Variants in ATP2A1 observed in about 807,000 individuals in gnomAD.
ATP2A1 encodes the protein sarcoplasmic/endoplasmic reticulum calcium ATPase 1.
A neutral mutation model predicts 109.5 loss-of-function variants in ATP2A1; 83 were observed. That is an observed-to-expected ratio of 0.76 (90% CI 0.63 to 0.91). The LOEUF (loss-of-function observed/expected upper bound fraction) is 0.91, where lower values mean the gene tolerates loss of function less well. Ranked by LOEUF, ATP2A1 falls within the 40% of genes least tolerant of loss-of-function variation. ATP2A1 has a pLI of 0.00. For missense variants in ATP2A1, 1,101 were observed against 1,341.0 expected (o/e 0.82, Z 2.80); for synonymous variants, 505 against 537.6 (o/e 0.94, Z 0.84).
Position 28,903,725 on chromosome 16 carries a change from C to CTT in ATP2A1, c.*22_*23insTT, listed in dbSNP as rs536503732. The CTT allele has an allele frequency of 1.5e-3, 2,419 of 1,613,944 alleles. 26 individuals are homozygous for CTT. Among genetic ancestry groups the CTT allele is most frequent in the South Asian group, 0.013 (1,203 of 91,080 alleles). ...GATAACTGTTCCCCCTCCTCCATCT[C>CTT]TGAGCCCGTGTCACAGGTATCACCC... On this transcript the variant is annotated 3_prime_UTR_variant, in exon 22 of 23. Coordinates refer to ENST00000395503, the MANE Select transcript of ATP2A1 (RefSeq NM_004320.6). This position sits in a 1 kb window ranked among gnomAD's most constrained non-coding sequence, Gnocchi z 5.6.
chr16:28,889,189 A>G (rs922771382), intron 9 of ATP2A1, among the ~76,000 whole-genome samples: 4 of 152,010 alleles, frequency 2.6e-5, no homozygotes, highest in Non-Finnish European at 5.9e-5. Flanking sequence ...ACTGCCACAC[A>G]TCGTCTCTCA....
intron 9 of ATP2A1, chr16:28,892,315 G>A (rs140031682): frequency 4.3e-4 from 141 of 328,268 alleles, no homozygotes; most frequent in Admixed American, 3.4e-3. Flanking sequence ...CTCCTTGCAG[G>A]GTCTTCCACT....
At position 28,887,668 on chromosome 16, in the gene ATP2A1, G is replaced by A. The variant is rs937724681; in HGVS notation, c.874G>A (p.Ala292Thr). The change falls in exon 8 of 23, where the codon GCC becomes ACC. Residue 292 changes from alanine (A) to threonine (T), a missense_variant. Coordinates refer to ENST00000395503, the MANE Select transcript of ATP2A1 (RefSeq NM_004320.6). Reference sequence around the variant, plus strand: ...CCATGGGGGCTCCTGGTTCCGCGGGGCCATCTACTACTTTAAGATTGCCGT... The same window carrying A: ...CCATGGGGGCTCCTGGTTCCGCGGGACCATCTACTACTTTAAGATTGCCGT... ...PVHGGSWFRG[A>T]IYYFKIAVAL... is the part of the protein sequence containing the mutation. 3.1e-6 allele frequency: 5 copies of A among 1,614,136 alleles called. No individual in the cohort carries two copies. Among genetic ancestry groups the A allele is most frequent in the Non-Finnish European group, 4.2e-6 (5 of 1,180,038 alleles).
intron 4 of ATP2A1, among the ~76,000 whole-genome samples, chr16:28,882,120 TTTTTTTG>T: frequency 6.9e-6 from 1 of 144,312 alleles, no homozygotes; most frequent in Non-Finnish European, 1.5e-5. Context: ...TTTTTTTTTT[TTTTTTTG>T]TACTTTTCGT....
intron 4 of ATP2A1, 104 bp downstream of exon 4, chr16:28,881,123 C>T: frequency 2.6e-6 from 3 of 1,164,202 alleles, no homozygotes; most frequent in Non-Finnish European, 2.6e-6. Context: ...ATACTTGCCT[C>T]TTCCTCTGGT....
chr16:28,882,643 G>A lies in ATP2A1; in HGVS notation c.463+54G>A. The A allele has an allele frequency of 2.5e-6, 4 of 1,605,032 alleles. No individual in the cohort carries two copies. The South Asian group carries it at 3.3e-5, about 13-fold the overall frequency. On this transcript the variant is annotated intron_variant, in intron 5 of 22. Coordinates refer to ENST00000395503, the MANE Select transcript of ATP2A1 (RefSeq NM_004320.6). ...TGGGAGGCCTTGGGGCTGAGGCCTAGGAGATGCCGGGGGCTGGTCAGGCTC... is the reference window on the plus strand; with the variant it reads ...TGGGAGGCCTTGGGGCTGAGGCCTAAGAGATGCCGGGGGCTGGTCAGGCTC...
Position 28,904,228 on chromosome 16 carries a change from C to T in ATP2A1, c.*86C>T. 6.2e-7 allele frequency: 1 copy of T among 1,613,772 alleles called. No homozygotes were observed. Among genetic ancestry groups the T allele is most frequent in the Non-Finnish European group, 8.5e-7 (1 of 1,179,804 alleles). On this transcript the variant is annotated 3_prime_UTR_variant, in exon 23 of 23. Transcript: ENST00000395503. ...TGAGCATCCTTTTGCTCTGTCCTCC[C>T]CACCCCGATAGTGACACATCTTCAG...
At chr16:28,879,988 C>A (rs1963412416) in intron 3 of ATP2A1, 1 of 1,019,358 alleles carries the variant, frequency 9.8e-7, no homozygotes, top group Non-Finnish European at 1.2e-6. Context: ...GGCGCCCCTG[C>A]CCCGCCCTCC....
Position 28,894,627 on chromosome 16 carries a change from C to A in ATP2A1, c.1287+20C>A, listed in dbSNP as rs375498756. 1 of 1,613,124 alleles carries A rather than the reference C, an allele frequency of 6.2e-7. No individual in the cohort carries two copies. Among genetic ancestry groups the A allele is most frequent in the South Asian group, 1.1e-5 (1 of 91,042 alleles). On this transcript the variant is annotated intron_variant, in intron 11 of 22. Transcript: ENST00000395503. ...AACGAGGTAACCTCTCCTTCCCCTT[C>A]CAGTTGGCTCAGAGTCTGGGCCTCC...
chr16:28,879,407 C>A, intron 2 of ATP2A1, 94 bp from the exon 3 acceptor site: 1 of 1,193,202 alleles, frequency 8.4e-7, no homozygotes, highest in Non-Finnish European at 1.3e-6. Context: ...CACCCTAGAG[C>A]CTCCCCACTG....
rs1449029475 is a variant in ATP2A1 at position 28,898,324 on chromosome 16, T to C, written c.1637T>C (p.Met546Thr). 9.3e-6 allele frequency: 15 copies of C among 1,614,186 alleles called. No homozygotes were observed. Among genetic ancestry groups the C allele is most frequent in the Non-Finnish European group, 9.3e-6 (11 of 1,180,042 alleles). Residue 546 changes from methionine to threonine, a missense_variant, in exon 14 of 23, where the codon ATG (methionine) becomes ACG (threonine). Transcript: ENST00000395503. The surrounding 1 kb of genome is among the most constrained non-coding windows in gnomAD (Gnocchi z 4.0). ...PLTGPVKEKI[M>T]AVIKEWGTGR... Reference sequence around the variant, plus strand: ...ACGGGGCCGGTGAAGGAAAAGATCATGGCGGTGATCAAGGAGTGGGGCACT... The same window carrying C: ...ACGGGGCCGGTGAAGGAAAAGATCACGGCGGTGATCAAGGAGTGGGGCACT...
intron 8 of ATP2A1, among the ~76,000 whole-genome samples, chr16:28,888,274 C>A (rs1250235495): frequency 1.3e-5 from 2 of 152,106 alleles, no homozygotes; most frequent in Non-Finnish European, 2.9e-5. Flanking sequence ...CTCAAGCAAT[C>A]CACCCGCCTC....
intron 9 of ATP2A1, among the ~76,000 whole-genome samples, chr16:28,890,874 TG>T (rs1963751498): frequency 6.6e-6 from 1 of 151,784 alleles, no homozygotes; most frequent in African/African-American, 2.4e-5. Flanking sequence ...TTAGTACAGA[TG>T]GGGTTTCGCC....
At chr16:28,895,043 A>G in intron 12 of ATP2A1, 90 bp downstream of exon 12, 3 of 1,576,418 alleles carry the variant, frequency 1.9e-6, no homozygotes, top group Non-Finnish European at 2.6e-6. Context: ...GGCAGAGCCT[A>G]GTGCCTGTGC....
intron 8 of ATP2A1, 136 bp from the exon 9 acceptor site, chr16:28,888,651 C>T (rs915921195): frequency 1.3e-5 from 13 of 1,008,098 alleles, no homozygotes; most frequent in South Asian, 6.4e-5. Context: ...GTGATCCTCC[C>T]GCCTCAGCCT....
In ATP2A1 at chr16:28,902,452, C is replaced by A; in HGVS notation, c.2524+66C>A. ...ACTAACCCCCTCTCTGGGACACCAG[C>A]TCCCCCATGCAGGTGCTGAGAGGGT... On this transcript the variant is annotated intron_variant, in intron 17 of 22. Coordinates refer to ENST00000395503, the MANE Select transcript of ATP2A1 (RefSeq NM_004320.6). This position sits in a 1 kb window ranked among gnomAD's most constrained non-coding sequence, Gnocchi z 4.8. 1 of 1,586,744 alleles carries A rather than the reference C, an allele frequency of 6.3e-7. No individual in the cohort carries two copies. The highest frequency in any genetic ancestry group is 1.1e-5 in the South Asian group (1 of 89,150).
rs773544576 is a variant in ATP2A1, at chr16:28,902,120, G to A, written c.2321+37G>A. On this transcript the variant is annotated intron_variant, in intron 16 of 22. Transcript: ENST00000395503. This position sits in a 1 kb window ranked among gnomAD's most constrained non-coding sequence, Gnocchi z 4.8. ...GGTGGGCGTCCAGGAGGAAGCCGGG[G>A]TTAGGGTGGGGTGGCTGCAGGTCTG... 1.2e-6 allele frequency: 2 copies of A among 1,613,990 alleles called. No individual in the cohort carries two copies. Among genetic ancestry groups the A allele is most frequent in the South Asian group, 1.1e-5 (1 of 91,084 alleles).
Position 28,894,236 on chromosome 16 carries a change from G to C in ATP2A1, c.1177G>C (p.Gly393Arg). Residue 393 changes from glycine (G) to arginine (R), a missense_variant, in exon 10 of 23, where the codon GGA (glycine) becomes CGA (arginine). By Grantham distance (125) the Gly-to-Arg change is moderately radical (BLOSUM62 -2). Transcript: ENST00000395503. ...SITGSTYAPE[G>R]EVLKNDKPVR... ...CACCGGCTCCACTTACGCTCCAGAG[G>C]GAGAGGTGTAAGTCACCCAGGCATC... is the stretch of plus-strand genomic sequence containing the variant. 1 of 1,613,772 alleles carries C rather than the reference G, an allele frequency of 6.2e-7. No individual in the cohort carries two copies. The highest frequency in any genetic ancestry group is 8.5e-7 in the Non-Finnish European group (1 of 1,179,866).
Position 28,881,011 on chromosome 16 carries a change from GT to G in ATP2A1, c.319del (p.Trp107GlyfsTer13). 1 of 1,614,026 alleles carries G rather than the reference GT, an allele frequency of 6.2e-7. No homozygotes were observed. Among genetic ancestry groups the G allele is most frequent in the Non-Finnish European group, 8.5e-7 (1 of 1,179,896 alleles). ...CCTCATTGCCAATGCCATCGTGGGG[GT>G]TTGGCAGGTTAGCGTTGACCCTTCC... ...LILIANAIVG[V>X]WQERNAENAI... On this transcript the variant is annotated frameshift_variant, in exon 4 of 23. Coordinates refer to ENST00000395503, the MANE Select transcript of ATP2A1 (RefSeq NM_004320.6). LOFTEE classifies it high-confidence loss of function.
Sources: gnomAD v4.1 joint callset for allele counts (sites outside exome capture counted in the v4.1 genomes callset) on GRCh38, gnomAD v4.1.1 for gene constraint, Gnocchi (gnomAD v3.1) non-coding constraint, MANE v1.5 for transcripts, NCBI Gene and HGNC (gene_info 2026-07-23, HGNC 2026-07-21) for gene names.